TBL1XR1: variants seen among roughly 807,000 people sequenced by gnomAD.
TBL1XR1 encodes the protein F-box-like/WD repeat-containing protein TBL1XR1.
In TBL1XR1, 5 loss-of-function variants were observed where a neutral mutation model predicts 66.9. That is an observed-to-expected ratio of 0.07 (90% CI 0.04 to 0.16). The LOEUF is 0.16. Ranked by LOEUF, TBL1XR1 falls within the 10% of genes least tolerant of loss-of-function variation. The probability of loss-of-function intolerance (pLI) is 1.00; values close to 1 mark genes in which losing one functional copy is unlikely to be tolerated. For synonymous variants in TBL1XR1, 210 were observed against 206.0 expected (o/e 1.02, Z -0.17); for missense variants, 238 against 623.2 (o/e 0.38, Z 6.58).
At chr3:177,149,107 G>A (rs567444702) in intron 1 of TBL1XR1, among the ~76,000 whole-genome samples, 9 of 152,254 alleles carry the variant, frequency 5.9e-5, no homozygotes, top group East Asian at 5.8e-4. Flanking sequence ...GTCCCAAGAC[G>A]GCAGACATAT....
At chr3:177,096,327 T>TAC (rs1325905920) in intron 2 of TBL1XR1, among the ~76,000 whole-genome samples, 4 of 108,206 alleles carry the variant, frequency 3.7e-5, no homozygotes, top group Admixed American at 8.5e-5. Context: ...CACACTAACA[T>TAC]ACATACATAC....
intron 2 of TBL1XR1, among the ~76,000 whole-genome samples, chr3:177,075,913 C>T (rs2108584465): frequency 6.6e-6 from 1 of 152,270 alleles, no homozygotes; most frequent in South Asian, 2.1e-4. Flanking sequence ...GGGGTCTGTT[C>T]CAGGCCTCTC....
At chr3:177,079,292 G>A (rs1721100102) in intron 2 of TBL1XR1, among the ~76,000 whole-genome samples, 1 of 151,706 alleles carries the variant, frequency 6.6e-6, no homozygotes, top group Admixed American at 6.6e-5. Context: ...AATTAGTTGG[G>A]CGTGGTGGCA....
At chr3:177,157,656 T>A (rs541594712) in intron 1 of TBL1XR1, among the ~76,000 whole-genome samples, 14 of 152,154 alleles carry the variant, frequency 9.2e-5, no homozygotes, top group Non-Finnish European at 2.1e-4. Flanking sequence ...AGAGTATGGA[T>A]GTCTTAGAGG....
chr3:177,169,154 G>A (rs1285340551), intron 1 of TBL1XR1, among the ~76,000 whole-genome samples: 4 of 152,212 alleles, frequency 2.6e-5, no homozygotes, highest in South Asian at 2.1e-4. Flanking sequence ...AATCAATAGC[G>A]ATAAAGTGGG....
intron 2 of TBL1XR1, among the ~76,000 whole-genome samples, chr3:177,079,009 G>T (rs1721056410): frequency 6.6e-6 from 1 of 152,078 alleles, no homozygotes; most frequent in South Asian, 2.1e-4. Flanking sequence ...TTTGAGTACC[G>T]ATACAGAAAA....
At chr3:177,054,481 C>A (rs1717553937) in intron 3 of TBL1XR1, among the ~76,000 whole-genome samples, 2 of 152,116 alleles carry the variant, frequency 1.3e-5, no homozygotes, top group South Asian at 4.1e-4. Flanking sequence ...TCATTTACTT[C>A]ATGTAATTGT....
At chr3:177,060,592 G>C (rs573649354) in intron 3 of TBL1XR1, among the ~76,000 whole-genome samples, 11 of 152,258 alleles carry the variant, frequency 7.2e-5, no homozygotes, top group Admixed American at 2.0e-4. Context: ...TAGAAAACAG[G>C]TTGTCTTATA....
chr3:177,089,774 T>C (rs906967653), intron 2 of TBL1XR1, among the ~76,000 whole-genome samples: 1 of 152,184 alleles, frequency 6.6e-6, no homozygotes, highest in Non-Finnish European at 1.5e-5. Flanking sequence ...ACACAGTTGG[T>C]AGACTTTTCT....
In TBL1XR1 at chr3:177,111,277, T is replaced by A. The variant is rs567640466; in HGVS notation, c.-121-12736A>T. Among the ~76,000 whole-genome samples the A allele has an allele frequency of 3.9e-5, 6 of 152,004 alleles. No individual in the cohort carries two copies. In the South Asian group the frequency reaches 1.2e-3, roughly 32 times the overall value. ...TGAGAAACCACTATGATTGATTTTTTTTTTTTTTTTTTAAAGACAGAGCCT... is the reference window on the plus strand; with the variant it reads ...TGAGAAACCACTATGATTGATTTTTATTTTTTTTTTTTAAAGACAGAGCCT... On this transcript the variant is annotated intron_variant, in intron 1 of 15. Coordinates refer to ENST00000457928, the MANE Select transcript of TBL1XR1 (RefSeq NM_024665.7).
intron 2 of TBL1XR1, among the ~76,000 whole-genome samples, chr3:177,091,793 G>C (rs1722873782): frequency 6.6e-6 from 1 of 152,116 alleles, no homozygotes; most frequent in Non-Finnish European, 1.5e-5. Context: ...GTAAATAAAA[G>C]AAAGAATCAT....
At chr3:177,174,848 G>A (rs10936933) in intron 1 of TBL1XR1, among the ~76,000 whole-genome samples, 8 of 152,068 alleles carry the variant, frequency 5.3e-5, no homozygotes, top group East Asian at 1.9e-4. Context: ...TAATCCTGCC[G>A]TTCCGTTTAA....
At chr3:177,054,411 C>G (rs1190374818) in intron 3 of TBL1XR1, among the ~76,000 whole-genome samples, 1 of 152,104 alleles carries the variant, frequency 6.6e-6, no homozygotes, top group African/African-American at 2.4e-5. Context: ...TATTCAGCAT[C>G]TCTCAAAAGT....
At chr3:177,049,962 G>T (rs201143676) in intron 7 of TBL1XR1, 35 bp downstream of exon 7, 1 of 1,604,918 alleles carries the variant, frequency 6.2e-7, no homozygotes, top group Non-Finnish European at 8.5e-7. Context: ...AGGTATACTA[G>T]TAATTATATC....
chr3:177,077,860 C>T (rs1168586748), intron 2 of TBL1XR1, among the ~76,000 whole-genome samples: 1 of 152,184 alleles, frequency 6.6e-6, no homozygotes, highest in Non-Finnish European at 1.5e-5. Context: ...CAAAACTGGA[C>T]AACAGTAAAA....
intron 1 of TBL1XR1, among the ~76,000 whole-genome samples, chr3:177,117,213 A>C (rs971427606): frequency 2.6e-5 from 4 of 152,208 alleles, no homozygotes; most frequent in African/African-American, 7.2e-5. Context: ...TCAAATCTCC[A>C]CTATTTAAAC....
intron 12 of TBL1XR1, 114 bp from the exon 13 acceptor site, chr3:177,034,439 C>A: frequency 3.2e-6 from 2 of 618,804 alleles, no homozygotes; most frequent in Admixed American, 4.2e-5. Context: ...AGTGATATAA[C>A]CAGAATGATG....
At chr3:177,072,148 C>CT (rs762832472) in intron 2 of TBL1XR1, among the ~76,000 whole-genome samples, 1 of 152,196 alleles carries the variant, frequency 6.6e-6, no homozygotes, top group African/African-American at 2.4e-5. Context: ...ATGTACTTCA[C>CT]TGTTAAGGCT....
chr3:177,165,401 C>T lies in TBL1XR1; in HGVS notation c.-122+31720G>A, dbSNP rs1375116147. Among the ~76,000 whole-genome samples, 3 of 152,124 alleles carry T rather than the reference C, an allele frequency of 2.0e-5. No individual in the cohort carries two copies. The East Asian group carries it at 5.8e-4, about 29-fold the overall frequency. On this transcript the variant is annotated intron_variant, in intron 1 of 15. Transcript: ENST00000457928. ...CCTTGGATAGAAGACTCAATACTGT[C>T]AAGATGTCATTTCTTCCCAACTTGA...
Sources: allele counts gnomAD v4.1 joint callset (sites outside exome capture counted in the v4.1 genomes callset), GRCh38; gene constraint gnomAD v4.1.1; transcripts MANE v1.5; gene names NCBI Gene and HGNC (gene_info 2026-07-23, HGNC 2026-07-21).